PCDHA12: variants seen among roughly 807,000 people sequenced by gnomAD.
PCDHA12 encodes the protein protocadherin alpha 12.
PCDHA12 carries 44 observed loss-of-function variants against 60.0 expected under a neutral mutation model. The ratio of observed to expected loss-of-function variants is 0.73; its 90% CI spans 0.58 to 0.94. The LOEUF (loss-of-function observed/expected upper bound fraction) is 0.94, where lower values mean the gene tolerates loss of function less well. Among genes scored for constraint, PCDHA12 ranks in the 40% least tolerant of loss-of-function variants. PCDHA12 has a pLI of 0.00. For missense variants in PCDHA12, 1,276 were observed against 1,239.7 expected, an observed-to-expected ratio of 1.03 and a Z score of -0.44; for synonymous variants, 569 against 553.0, an observed-to-expected ratio of 1.03 and a Z score of -0.40.
chr5:140,901,270 C>T (rs2068553355), intron 1 of PCDHA12, among the ~76,000 whole-genome samples: 2 of 152,246 alleles, frequency 1.3e-5, no homozygotes, highest in South Asian at 4.1e-4. Flanking sequence ...TGGGGTATTA[C>T]TCAAGAAATT....
intron 1 of PCDHA12, among the ~76,000 whole-genome samples, chr5:140,881,030 A>G (rs959156727): frequency 6.6e-6 from 1 of 152,234 alleles, no homozygotes; most frequent in Non-Finnish European, 1.5e-5. Flanking sequence ...CCCAACAGTC[A>G]TTTCCTATAG....
intron 1 of PCDHA12, among the ~76,000 whole-genome samples, chr5:140,960,972 T>C (rs936519951): frequency 6.6e-6 from 1 of 152,188 alleles, no homozygotes; most frequent in South Asian, 2.1e-4. Flanking sequence ...GCAGTTGCAA[T>C]TCTTGTTCCA....
intron 1 of PCDHA12, among the ~76,000 whole-genome samples, chr5:140,965,466 A>C (rs1364686627): frequency 2.6e-5 from 4 of 152,002 alleles, no homozygotes; most frequent in Non-Finnish European, 4.4e-5. Flanking sequence ...GATAAATCCC[A>C]GACTCCCACA....
intron 1 of PCDHA12, among the ~76,000 whole-genome samples, chr5:140,924,166 T>C (rs1409712075): frequency 6.6e-6 from 1 of 152,232 alleles, no homozygotes; most frequent in African/African-American, 2.4e-5. Flanking sequence ...TCCTAATCTC[T>C]GGCACTGAAG....
chr5:140,962,046 G>A (rs2095653396), intron 1 of PCDHA12, among the ~76,000 whole-genome samples: 1 of 151,964 alleles, frequency 6.6e-6, no homozygotes, highest in African/African-American at 2.4e-5. Flanking sequence ...ACCATGCCTG[G>A]CTAATTTTTT....
At chr5:140,882,566 G>C in intron 1 of PCDHA12, 2 of 1,614,252 alleles carry the variant, frequency 1.2e-6, no homozygotes, top group Non-Finnish European at 8.5e-7. Flanking sequence ...TGGGCGGAGC[G>C]CGGAGTGCAG....
At chr5:140,993,437 C>A (rs1193523462) in intron 3 of PCDHA12, among the ~76,000 whole-genome samples, 1 of 150,056 alleles carries the variant, frequency 6.7e-6, no homozygotes, top group Non-Finnish European at 1.5e-5. Context: ...AATCCTTATT[C>A]ATTCCTGTTC....
chr5:140,927,918 CCTGA>C, intron 1 of PCDHA12: 1 of 1,614,220 alleles, frequency 6.2e-7, no homozygotes, highest in Non-Finnish European at 8.5e-7. Context: ...AACTGGACTT[CCTGA>C]CTCTTTCGAA....
intron 1 of PCDHA12, 100 bp downstream of exon 1, chr5:140,877,939 A>G (rs2057403639): frequency 7.2e-7 from 1 of 1,379,672 alleles, no homozygotes. Context: ...TCTATCCTTT[A>G]AACTATCGAA....
At chr5:140,887,101 CTT>C (rs200717289) in intron 1 of PCDHA12, among the ~76,000 whole-genome samples, 4 of 145,262 alleles carry the variant, frequency 2.8e-5, no homozygotes, top group African/African-American at 5.0e-5. Flanking sequence ...ATCTTTATCT[CTT>C]TTTTTTTTTT....
chr5:140,950,749 C>G (rs1202993675), intron 1 of PCDHA12, among the ~76,000 whole-genome samples: 5 of 152,002 alleles, frequency 3.3e-5, no homozygotes, highest in African/African-American at 4.8e-5. Flanking sequence ...TTCTCTCTAT[C>G]CTTTCTGGAC....
chr5:140,929,330 G>T, intron 1 of PCDHA12: 1 of 1,535,218 alleles, frequency 6.5e-7, no homozygotes. Context: ...GCCATGGTAA[G>T]CAAATTTTAT....
intron 3 of PCDHA12, among the ~76,000 whole-genome samples, chr5:140,985,216 C>G (rs1009954667): frequency 1.3e-5 from 2 of 152,186 alleles, no homozygotes; most frequent in Non-Finnish European, 2.9e-5. Flanking sequence ...GGATTACAGG[C>G]GTGAGCCACC....
intron 1 of PCDHA12, among the ~76,000 whole-genome samples, chr5:140,921,914 TA>T (rs2080487852): frequency 6.6e-6 from 1 of 152,014 alleles, no homozygotes; most frequent in Admixed American, 6.6e-5. Context: ...TATTACATGA[TA>T]AAACTTATAG....
In PCDHA12 at chr5:141,011,200, A is replaced by C. The variant is rs1242625146; in HGVS notation, c.*1263A>C. 6.5e-6 allele frequency: 1 copy of C among 153,774 alleles called. No individual in the cohort carries two copies. Among genetic ancestry groups the C allele is most frequent in the Non-Finnish European group, 1.5e-5 (1 of 68,036 alleles). The allele number at this position is 153,774 out of a possible 1,614,324, so 9.5% of individuals were successfully genotyped here. ...AATTGAAGAAAAATATTGTTTTCTCATACAGTGAGCAGATTTTTCAATCTA... is the reference window on the plus strand; with the variant it reads ...AATTGAAGAAAAATATTGTTTTCTCCTACAGTGAGCAGATTTTTCAATCTA... On this transcript the variant is annotated 3_prime_UTR_variant, in exon 4 of 4. Transcript: ENST00000398631.
intron 1 of PCDHA12, chr5:140,927,371 G>GCTACAGCCTAAGCC: frequency 6.2e-7 from 1 of 1,614,080 alleles, no homozygotes; most frequent in Non-Finnish European, 8.5e-7. Context: ...GGGATACTAA[G>GCTACAGCCTAAGCC]CTACAGCCTA....
chr5:140,911,444 C>T (rs13161603), intron 1 of PCDHA12, among the ~76,000 whole-genome samples: 2,752 of 152,248 alleles, frequency 0.018, 47 homozygotes, highest in South Asian at 0.1. Context: ...CCCGCAATTT[C>T]AGCTCTTTCT....
rs186341301 is a variant in PCDHA12 at position 140,890,770 on chromosome 5, A to G, written c.2367+12931A>G. Among the ~76,000 whole-genome samples the G allele has an allele frequency of 8.0e-3, 1,216 of 152,240 alleles. 6 individuals are homozygous for G. Among genetic ancestry groups the G allele is most frequent in the African/African-American group, 0.019 (786 of 41,520 alleles). On this transcript the variant is annotated intron_variant, in intron 1 of 3. Transcript: ENST00000398631. Reference sequence around the variant, plus strand: ...CTGTCATGCTTTAAAAATATTTTAAAACCCCATAAGATATTAGTATTATTT... The same window carrying G: ...CTGTCATGCTTTAAAAATATTTTAAGACCCCATAAGATATTAGTATTATTT...
chr5:141,003,638 G>C (rs2098132492), intron 3 of PCDHA12, among the ~76,000 whole-genome samples: 1 of 152,118 alleles, frequency 6.6e-6, no homozygotes, highest in Admixed American at 6.6e-5. Flanking sequence ...TAAAGTAGAA[G>C]TGAAGATCTG....
Sources: gnomAD v4.1 joint callset for allele counts (sites outside exome capture counted in the v4.1 genomes callset) on GRCh38, gnomAD v4.1.1 for gene constraint, MANE v1.5 for transcripts, NCBI Gene and HGNC (gene_info 2026-07-23, HGNC 2026-07-21) for gene names.